Variants in RPH3A observed in about 807,000 individuals in gnomAD.
RPH3A encodes the protein rabphilin 3A.
A neutral mutation model predicts 102.2 loss-of-function variants in RPH3A; 48 were observed. The observed-to-expected ratio is 0.47, with a 90% CI of 0.37 to 0.60. The LOEUF is 0.60. Among genes scored for constraint, RPH3A ranks in the 20% least tolerant of loss-of-function variants. RPH3A has a pLI of 0.00. For synonymous variants in RPH3A, 310 were observed against 324.3 expected, an observed-to-expected ratio of 0.96 and a Z score of 0.47; for missense variants, 781 against 910.1, an observed-to-expected ratio of 0.86 and a Z score of 1.83.
chr12:112,704,366 A>G (rs2003465), intron 1 of RPH3A, among the ~76,000 whole-genome samples: 20,787 of 152,192 alleles, frequency 0.14, 1,471 homozygotes, highest in South Asian at 0.2. Flanking sequence ...CTGGGATTAC[A>G]GGCATCAGCC....
chr12:112,867,054 C>T (rs1432248136), intron 7 of RPH3A, among the ~76,000 whole-genome samples: 5 of 152,006 alleles, frequency 3.3e-5, no homozygotes, highest in Non-Finnish European at 1.5e-5. Flanking sequence ...GTTCATCGCC[C>T]TCTGGCCTCT....
At chr12:112,591,895 T>C (rs568330019) in intron 1 of RPH3A, among the ~76,000 whole-genome samples, 12 of 152,288 alleles carry the variant, frequency 7.9e-5, no homozygotes, top group Admixed American at 3.3e-4. Flanking sequence ...CTGGCAATCG[T>C]CCCTCAGTAT....
intron 2 of RPH3A, among the ~76,000 whole-genome samples, chr12:112,797,605 A>C (rs755064074): frequency 2.6e-5 from 4 of 151,952 alleles, no homozygotes; most frequent in Admixed American, 1.3e-4. Context: ...TCTCAGGTAG[A>C]TTTGTGGCAA....
At chr12:112,712,924 CCTCT>C (rs1565856796) in intron 1 of RPH3A, among the ~76,000 whole-genome samples, 12 of 96,272 alleles carry the variant, frequency 1.2e-4, no homozygotes, top group Admixed American at 3.6e-4. Flanking sequence ...TCTTCTTCTT[CCTCT>C]TCTTCTTCTT....
chr12:112,590,836 C>T (rs913165128), intron 1 of RPH3A, among the ~76,000 whole-genome samples: 4 of 152,198 alleles, frequency 2.6e-5, no homozygotes, highest in African/African-American at 7.2e-5. Flanking sequence ...GAGATGCGGT[C>T]TCACTCTGTT....
At chr12:112,883,654 A>G (rs1304502153) in intron 16 of RPH3A, among the ~76,000 whole-genome samples, 2 of 150,808 alleles carry the variant, frequency 1.3e-5, no homozygotes, top group African/African-American at 4.9e-5. Context: ...GTGTTGGGGG[A>G]TGGTGCGTGT....
chr12:112,876,163 T>C (rs1156275897), intron 12 of RPH3A, among the ~76,000 whole-genome samples: 2 of 152,216 alleles, frequency 1.3e-5, no homozygotes. Flanking sequence ...TGAGCGACAG[T>C]GGTTGCTATT....
intron 5 of RPH3A, among the ~76,000 whole-genome samples, chr12:112,861,286 A>G (rs760375342): frequency 4.6e-5 from 7 of 152,236 alleles, no homozygotes; most frequent in Non-Finnish European, 8.8e-5. Context: ...AGATTTGTCA[A>G]CCGCATGTTG....
chr12:112,749,793 A>G (rs2040773775), intron 1 of RPH3A, among the ~76,000 whole-genome samples: 2 of 152,236 alleles, frequency 1.3e-5, no homozygotes, highest in Admixed American at 1.3e-4. Flanking sequence ...TCTCTCAACC[A>G]GACTAATAGT....
chr12:112,874,262 T>C (rs146656448), intron 10 of RPH3A: 1 of 152,198 alleles, frequency 6.6e-6, no homozygotes, highest in Admixed American at 6.5e-5. Context: ...AACAACAGCA[T>C]GTAAGGGTCT....
intron 7 of RPH3A, 151 bp from the exon 8 acceptor site, chr12:112,868,279 T>G (rs1361545198): frequency 1.4e-6 from 1 of 706,680 alleles, no homozygotes; most frequent in Non-Finnish European, 2.2e-6. Flanking sequence ...TAAATATGAA[T>G]TGTGCAGGGC....
At chr12:112,599,005 T>G (rs2039538407) in intron 1 of RPH3A, among the ~76,000 whole-genome samples, 1 of 152,206 alleles carries the variant, frequency 6.6e-6, no homozygotes, top group Non-Finnish European at 1.5e-5. Context: ...CCCTCAGATA[T>G]CTTAGACACC....
Position 112,761,375 on chromosome 12 carries a change from A to G in RPH3A, c.-139-30768A>G, listed in dbSNP as rs146741776. On this transcript the variant is annotated intron_variant, in intron 1 of 21. Transcript: ENST00000543106. Reference sequence around the variant, plus strand: ...AGGGAATGTAGTGGGTAGGCAATGGATAGGTTTCAGAATCTACTCTCCTCT... The same window carrying G: ...AGGGAATGTAGTGGGTAGGCAATGGGTAGGTTTCAGAATCTACTCTCCTCT... 2.5e-3 allele frequency among the ~76,000 whole-genome samples: 379 copies of G among 152,300 alleles called. 4 individuals are homozygous for G. The highest frequency in any genetic ancestry group is 0.014 in the East Asian group (73 of 5,184).
Position 112,792,627 on chromosome 12 carries a change from C to T in RPH3A, c.-19+364C>T, listed in dbSNP as rs562051933. On this transcript the variant is annotated intron_variant, in intron 2 of 21. Coordinates refer to ENST00000389385, the MANE Select transcript of RPH3A (RefSeq NM_001143854.2). ...GGCTGGCTAGTCTAGCATGGAGGGA[C>T]TCTGGGTACTCTGACTTAGCAAGTG... 2.0e-5 allele frequency among the ~76,000 whole-genome samples: 3 copies of T among 152,288 alleles called. No homozygotes were observed. In the South Asian group the frequency reaches 6.2e-4, roughly 32 times the overall value.
intron 1 of RPH3A, among the ~76,000 whole-genome samples, chr12:112,644,691 C>G (rs2039914991): frequency 6.6e-6 from 1 of 152,190 alleles, no homozygotes; most frequent in African/African-American, 2.4e-5. Flanking sequence ...CACCAAAGAT[C>G]CTCAAATAAC....
chr12:112,576,586 C>T (rs1351539411), intron 1 of RPH3A, among the ~76,000 whole-genome samples: 2 of 152,172 alleles, frequency 1.3e-5, no homozygotes, highest in African/African-American at 2.4e-5. Context: ...AAACTCCTGA[C>T]CTCGGGTTAT....
intron 1 of RPH3A, among the ~76,000 whole-genome samples, chr12:112,639,211 G>A (rs537379146): frequency 3.3e-5 from 5 of 152,254 alleles, no homozygotes; most frequent in South Asian, 2.1e-4. Context: ...CCTCCTAAGC[G>A]GGACTGGGGG....
chr12:112,863,196 C>G (rs1340121670), intron 5 of RPH3A, among the ~76,000 whole-genome samples: 1 of 152,250 alleles, frequency 6.6e-6, no homozygotes, highest in Non-Finnish European at 1.5e-5. Context: ...TGTAGCACCT[C>G]AGGCCCCACC....
chr12:112,771,737 T>C (rs2040928859), intron 1 of RPH3A, among the ~76,000 whole-genome samples: 1 of 152,248 alleles, frequency 6.6e-6, no homozygotes, highest in African/African-American at 2.4e-5. Context: ...GTTATCGCAT[T>C]TCTAATCTTT....
Sources: allele counts gnomAD v4.1 joint callset (sites outside exome capture counted in the v4.1 genomes callset), GRCh38; gene constraint gnomAD v4.1.1; transcripts MANE v1.5; gene names NCBI Gene and HGNC (gene_info 2026-07-23, HGNC 2026-07-21).